The following EIF3J variants were observed in gnomAD, a reference collection of about 807,000 sequenced individuals.
EIF3J encodes the protein eukaryotic translation initiation factor 3, subunit 1 (alpha, 35kD).
In EIF3J, 15 loss-of-function variants were observed where a neutral mutation model predicts 39.0. The ratio of observed to expected loss-of-function variants is 0.38; its 90% CI spans 0.26 to 0.59. The LOEUF is 0.59. EIF3J is among the 20% of genes least tolerant of loss of function. The pLI is 0.60. For synonymous variants in EIF3J, 98 were observed against 112.9 expected (o/e 0.87, Z 0.84); for missense variants, 226 against 308.6 (o/e 0.73, Z 2.00).
Position 44,554,470 on chromosome 15 carries a change from T to G in EIF3J, c.295-83T>G, listed in dbSNP as rs1336185907. On this transcript the variant is annotated intron_variant, in intron 4 of 7. Transcript: ENST00000261868. ...CACTTTTATTTGTTATTATATACGC[T>G]TATTTAAGAATTCGTACAATACAGA... 4 of 646,418 alleles carry G rather than the reference T, an allele frequency of 6.2e-6. No homozygotes were observed. In the African/African-American group the frequency reaches 7.5e-5, roughly 12 times the overall value. 40.0% of individuals were successfully genotyped at this position (646,418 alleles called of 1,614,324 possible).
chr15:44,560,394 T>C lies in EIF3J; in HGVS notation c.645+72T>C, dbSNP rs547437436. On this transcript the variant is annotated intron_variant, in intron 7 of 7. Transcript: ENST00000261868. ...TTATAGGTCTAACAGTCAACAAATA[T>C]AATAGGAGCCTGTCCTAATTAAAAG... The C allele has an allele frequency of 9.0e-5, 126 of 1,398,384 alleles. 1 individual carries two copies. In the Admixed American group the frequency reaches 2.0e-3, roughly 22 times the overall value. The allele number at this position is 1,398,384 out of a possible 1,614,324, so 86.6% of individuals were successfully genotyped here. A position where few individuals can be genotyped will look rare whatever the true frequency, so the allele number is the denominator to read the frequency against.
intron 2 of EIF3J, among the ~76,000 whole-genome samples, chr15:44,537,806 C>T (rs2081972823): frequency 6.6e-6 from 1 of 152,190 alleles, no homozygotes; most frequent in Non-Finnish European, 1.5e-5. Flanking sequence ...TTGAGACTCG[C>T]CTGTCTTTTC....
At chr15:44,548,427 C>T (rs940127677) in intron 2 of EIF3J, among the ~76,000 whole-genome samples, 1 of 151,840 alleles carries the variant, frequency 6.6e-6, no homozygotes, top group Non-Finnish European at 1.5e-5. Flanking sequence ...AAAAACAAGA[C>T]CAAAAAAACC....
At chr15:44,543,950 A>G (rs972362496) in intron 2 of EIF3J, among the ~76,000 whole-genome samples, 1 of 152,114 alleles carries the variant, frequency 6.6e-6, no homozygotes, top group African/African-American at 2.4e-5. Context: ...TCAACATTAA[A>G]TAAAAATGCT....
intron 2 of EIF3J, among the ~76,000 whole-genome samples, chr15:44,542,906 G>A (rs976834902): frequency 1.3e-5 from 2 of 152,148 alleles, no homozygotes; most frequent in Non-Finnish European, 2.9e-5. Context: ...GGATTTAATT[G>A]GATGTTCATA....
Position 44,537,383 on chromosome 15 carries a change from G to A in EIF3J, c.103G>A (p.Gly35Ser), listed in dbSNP as rs769750731. The A allele has an allele frequency of 7.0e-6, 11 of 1,566,794 alleles. No homozygotes were observed. The highest frequency in any genetic ancestry group is 8.7e-7 in the Non-Finnish European group (1 of 1,155,566). The change falls in exon 2 of 8, where the codon GGC becomes AGC. Residue 35 changes from glycine (G) to serine (S), a missense_variant. Around this residue, in one of 2 missense-constraint regions of EIF3J, gnomAD observed 143 missense variants for 156.0 expected, o/e 0.92. Coordinates refer to ENST00000261868, the MANE Select transcript of EIF3J (RefSeq NM_003758.4). ...GAAGGTGGGGGGCGGCGGCACTGCC[G>A]GCGGGGACCGCTGGGAAGGCGAGGA... is the stretch of plus-strand genomic sequence containing the variant. ...VRKVGGGGTA[G>S]GDRWEGEDED...
chr15:44,555,404 C>G (rs1481392933), intron 5 of EIF3J, among the ~76,000 whole-genome samples: 2 of 152,196 alleles, frequency 1.3e-5, no homozygotes, highest in African/African-American at 4.8e-5. Context: ...ACCCCTCCCC[C>G]ACTTTCATAC....
At chr15:44,556,868 C>T in intron 5 of EIF3J, among the ~76,000 whole-genome samples, 1 of 152,002 alleles carries the variant, frequency 6.6e-6, no homozygotes, top group East Asian at 1.9e-4. Context: ...CTGTGTTGCC[C>T]AGGCTGGTCT....
chr15:44,550,618 A>G, intron 2 of EIF3J: 1 of 283,152 alleles, frequency 3.5e-6, no homozygotes, highest in East Asian at 5.8e-5. Flanking sequence ...AAATGCGCAG[A>G]GCCTCTAATA....
At chr15:44,556,303 T>C (rs934203327) in intron 5 of EIF3J, among the ~76,000 whole-genome samples, 1 of 152,198 alleles carries the variant, frequency 6.6e-6, no homozygotes, top group Non-Finnish European at 1.5e-5. Flanking sequence ...GTGGGGGTGT[T>C]CTTGGACAAG....
intron 4 of EIF3J, 54 bp from the exon 5 acceptor site, chr15:44,554,499 G>A (rs913022285): frequency 2.9e-6 from 3 of 1,032,324 alleles, no homozygotes; most frequent in African/African-American, 1.6e-5. Context: ...ATACAGAAAG[G>A]TACTGAGTGC....
At chr15:44,539,732 CTTTTTT>C (rs77942286) in intron 2 of EIF3J, among the ~76,000 whole-genome samples, 3 of 129,238 alleles carry the variant, frequency 2.3e-5, no homozygotes, top group African/African-American at 5.7e-5. Context: ...ATTTCTTTTT[CTTTTTT>C]TTTTTTTTTT....
At chr15:44,550,984 G>C in intron 3 of EIF3J, 54 bp downstream of exon 3, 1 of 1,583,666 alleles carries the variant, frequency 6.3e-7, no homozygotes, top group Non-Finnish European at 8.6e-7. Flanking sequence ...GAGCATTTGT[G>C]ACTTGTATTA....
intron 2 of EIF3J, among the ~76,000 whole-genome samples, chr15:44,540,514 C>T (rs529227220): frequency 8.1e-5 from 12 of 148,780 alleles, no homozygotes; most frequent in African/African-American, 3.0e-4. Context: ...TTAAAGCGAT[C>T]TTCCCGCCTT....
Position 44,561,006 on chromosome 15 carries a change from T to A in EIF3J, c.646-12T>A, listed in dbSNP as rs1464323903. 6.2e-7 allele frequency: 1 copy of A among 1,612,564 alleles called. No homozygotes were observed. Among genetic ancestry groups the A allele is most frequent in the African/African-American group, 1.3e-5 (1 of 75,016 alleles). ...CACTAAGGTTCATGAATTAACTCTC[T>A]TTCATCTTTAGCAAAGCAAAGCCAA... On this transcript the variant is annotated splice_polypyrimidine_tract_variant and intron_variant, in intron 7 of 7. Coordinates refer to ENST00000261868, the MANE Select transcript of EIF3J (RefSeq NM_003758.4).
chr15:44,555,787 A>C (rs1190334525), intron 5 of EIF3J, among the ~76,000 whole-genome samples: 1 of 152,228 alleles, frequency 6.6e-6, no homozygotes, highest in Non-Finnish European at 1.5e-5. Context: ...ACCACATGTA[A>C]TATTGTTAAT....
At position 44,537,196 on chromosome 15, in the gene EIF3J, T is replaced by TGGCGGCGGCGGCGGC. The variant is rs560378535; in HGVS notation, c.11_25dup (p.Ala4_Ala8dup). On this transcript the variant is annotated inframe_insertion, in exon 1 of 8. Coordinates refer to ENST00000261868, the MANE Select transcript of EIF3J (RefSeq NM_003758.4). ...ACACACGCTCACACCCGGCTCGAGA[T>TGGCGGCGGCGGCGGC]GGCGGCGGCGGCGGCGGCGGCGGGG... 5.0e-6 allele frequency: 8 copies of TGGCGGCGGCGGCGGC among 1,601,424 alleles called. No homozygotes were observed. The highest frequency in any genetic ancestry group is 3.4e-6 in the Non-Finnish European group (4 of 1,174,036).
rs1372401384 is a variant in EIF3J, at chr15:44,562,019, T to TAACA, written c.*872_*875dup. The stretch of plus-strand genomic sequence containing the variant: ...ACTACAGTTTGGTAAATTGTTATGT[T>TAACA]AACAATTATGACATCTGCAATGTTT... On this transcript the variant is annotated 3_prime_UTR_variant, in exon 8 of 8. Coordinates refer to ENST00000261868, the MANE Select transcript of EIF3J (RefSeq NM_003758.4). 2 of 152,658 alleles carry TAACA rather than the reference T, an allele frequency of 1.3e-5. No homozygotes were observed. The highest frequency in any genetic ancestry group is 2.4e-5 in the African/African-American group (1 of 41,466). The allele number at this position is 152,658 out of a possible 1,614,324, so 9.5% of individuals were successfully genotyped here.
intron 3 of EIF3J, among the ~76,000 whole-genome samples, 163 bp from the exon 4 acceptor site, chr15:44,551,265 AGAG>A (rs2082096810): frequency 6.6e-6 from 1 of 152,160 alleles, no homozygotes; most frequent in Non-Finnish European, 1.5e-5. Flanking sequence ...GTCACATTAG[AGAG>A]GAGAAGGAAG....
Sources: allele counts gnomAD v4.1 joint callset (sites outside exome capture counted in the v4.1 genomes callset), GRCh38; gene constraint gnomAD v4.1.1; regional missense constraint gnomAD v4.1.1; transcripts MANE v1.5; gene names NCBI Gene and HGNC (gene_info 2026-07-23, HGNC 2026-07-21).